The following TRPC3 variants were observed in gnomAD, a reference collection of about 807,000 sequenced individuals.
The protein encoded by TRPC3 is transient receptor potential cation channel subfamily C member 3.
TRPC3 carries 54 observed loss-of-function variants against 90.9 expected under a neutral mutation model. That is an observed-to-expected ratio of 0.59 (90% confidence interval 0.48 to 0.75). TRPC3 has a LOEUF of 0.75. Ranked by LOEUF, TRPC3 falls within the 30% of genes least tolerant of loss-of-function variation. TRPC3 has a pLI of 0.00. For synonymous variants in TRPC3, 424 were observed against 450.9 expected (o/e 0.94, Z 0.75); for missense variants, 918 against 1,194.5 (o/e 0.77, Z 3.41).
chr4:121,912,033 T>G lies in TRPC3; in HGVS notation c.1402A>C (p.Ile468Leu). Residue 468 changes from isoleucine (I) to leucine (L), a missense_variant, in exon 5 of 12, where the codon ATC becomes CTC. Ile to Leu is a conservative substitution (Grantham distance 5). This residue lies in a region of TRPC3 where 609 missense variants were observed against 725.9 expected (regional missense o/e 0.84). Coordinates refer to ENST00000379645, the MANE Select transcript of TRPC3 (RefSeq NM_001130698.2). ...TTGAACACAAGCAGACCCAGGAAGATGATGAAAGAAGCTGCATGTGCTACA... is the reference window on the plus strand; with the variant it reads ...TTGAACACAAGCAGACCCAGGAAGAGGATGAAAGAAGCTGCATGTGCTACA... ...KFVAHAASFIIFLGLLVFNAS... is the reference protein window; with the variant it reads ...KFVAHAASFILFLGLLVFNAS... 6.2e-7 allele frequency: 1 copy of G among 1,613,854 alleles called. No individual in the cohort carries two copies. Among genetic ancestry groups the G allele is most frequent in the African/African-American group, 1.3e-5 (1 of 75,020 alleles).
Position 121,951,800 on chromosome 4 carries a change from G to T in TRPC3, c.-120C>A. 4 of 784,256 alleles carry T rather than the reference G, an allele frequency of 5.1e-6. No homozygotes were observed. Among genetic ancestry groups the T allele is most frequent in the African/African-American group, 3.6e-5 (2 of 55,198 alleles). The allele number at this position is 784,256 out of a possible 1,614,324, so 48.6% of individuals were successfully genotyped here. On this transcript the variant is annotated 5_prime_UTR_variant, in exon 1 of 12. Coordinates refer to ENST00000379645, the MANE Select transcript of TRPC3 (RefSeq NM_001130698.2). The surrounding 1 kb of genome is among the most constrained non-coding windows in gnomAD (Gnocchi z 4.4). ...CCCGCGGCTTCCGGGGCCCCGGGCG[G>T]CCCAGGGCGGGAAGGCAGGAGCGGA...
intron 2 of TRPC3, among the ~76,000 whole-genome samples, chr4:121,931,633 A>C (rs1171912711): frequency 6.6e-6 from 1 of 152,146 alleles, no homozygotes. Flanking sequence ...ACGGCTCACC[A>C]CTCTGAATAT....
At chr4:121,933,072 AG>A (rs1210723873) in intron 1 of TRPC3, 30 bp from the exon 2 acceptor site, 2 of 1,530,468 alleles carry the variant, frequency 1.3e-6, no homozygotes, top group South Asian at 2.6e-5. Context: ...AAACAACTGT[AG>A]AATATTAGGG....
At position 121,951,759 on chromosome 4, in the gene TRPC3, C is replaced by G; in HGVS notation, c.-79G>C. On this transcript the variant is annotated 5_prime_UTR_variant, in exon 1 of 12. Coordinates refer to ENST00000379645, the MANE Select transcript of TRPC3 (RefSeq NM_001130698.2). This position sits in a 1 kb window ranked among gnomAD's most constrained non-coding sequence, Gnocchi z 4.4. ...TCGCGGCAGTGCAGTCTTCCCGCGG[C>G]GCCCCTTCACCACCTCCCGCGGCTT... is the stretch of plus-strand genomic sequence containing the variant. The G allele has an allele frequency of 4.2e-6, 5 of 1,183,328 alleles. No individual in the cohort carries two copies. The highest frequency in any genetic ancestry group is 5.4e-6 in the Non-Finnish European group (5 of 921,066). The allele number at this position is 1,183,328 out of a possible 1,614,324, so 73.3% of individuals were successfully genotyped here.
chr4:121,915,709 C>T (rs1164747255), intron 3 of TRPC3, among the ~76,000 whole-genome samples: 3 of 151,568 alleles, frequency 2.0e-5, no homozygotes, highest in African/African-American at 4.8e-5. Flanking sequence ...TTTTTTTTCC[C>T]GTTTGATTTT....
intron 1 of TRPC3, among the ~76,000 whole-genome samples, chr4:121,944,323 T>C (rs1730417939): frequency 6.7e-6 from 1 of 150,084 alleles, no homozygotes; most frequent in South Asian, 2.1e-4. Context: ...TTTAAAGGAT[T>C]CCTTCCTACC....
rs1727732201 is a variant in TRPC3, at chr4:121,875,243, A to G, written c.*4493T>C. On this transcript the variant is annotated 3_prime_UTR_variant, in exon 12 of 12. Coordinates refer to ENST00000379645, the MANE Select transcript of TRPC3 (RefSeq NM_001130698.2). ...GAAGGAAAGTAAAAGTTTATTTTGA[A>G]GCTCAAATTTATTTTAAAACAGTGA... 6.6e-6 allele frequency among the ~76,000 whole-genome samples: 1 copy of G among 152,198 alleles called. No individual in the cohort carries two copies. The highest frequency in any genetic ancestry group is 6.5e-5 in the Admixed American group (1 of 15,282).
At chr4:121,885,037 G>GTAA (rs1728065016) in intron 10 of TRPC3, among the ~76,000 whole-genome samples, 1 of 152,300 alleles carries the variant, frequency 6.6e-6, no homozygotes, top group South Asian at 2.1e-4. Context: ...TTGAAAGGCA[G>GTAA]TAATACAAAT....
intron 2 of TRPC3, among the ~76,000 whole-genome samples, chr4:121,931,939 T>A (rs1477047694): frequency 6.6e-6 from 1 of 152,166 alleles, no homozygotes; most frequent in Non-Finnish European, 1.5e-5. Flanking sequence ...GAGGAAGGAT[T>A]TGGAAGACAA....
intron 10 of TRPC3, among the ~76,000 whole-genome samples, chr4:121,894,816 G>C (rs1728463362): frequency 6.6e-6 from 1 of 151,754 alleles, no homozygotes; most frequent in Non-Finnish European, 1.5e-5. Context: ...CTTCTGCCTT[G>C]GCCTTCCAAG....
chr4:121,884,024 A>C (rs1445867281), intron 10 of TRPC3, among the ~76,000 whole-genome samples: 6 of 152,054 alleles, frequency 3.9e-5, no homozygotes, highest in Non-Finnish European at 7.3e-5. Context: ...CACTGGAAAC[A>C]ATCTAAACAA....
At chr4:121,921,261 G>A (rs1363260654) in intron 3 of TRPC3, among the ~76,000 whole-genome samples, 1 of 151,980 alleles carries the variant, frequency 6.6e-6, no homozygotes, top group Non-Finnish European at 1.5e-5. Context: ...GGTGGCTCAC[G>A]CCTGTAATCC....
At chr4:121,923,223 T>C (rs1729589050) in intron 3 of TRPC3, among the ~76,000 whole-genome samples, 1 of 152,256 alleles carries the variant, frequency 6.6e-6, no homozygotes, top group East Asian at 1.9e-4. Context: ...ATCCTTTCTA[T>C]GCTGATATGG....
chr4:121,899,566 T>C (rs768533888), intron 10 of TRPC3, 46 bp downstream of exon 10: 2 of 1,499,566 alleles, frequency 1.3e-6, no homozygotes, highest in South Asian at 1.1e-5. Flanking sequence ...CGCAGACATA[T>C]ATGGAATCAC....
intron 6 of TRPC3, among the ~76,000 whole-genome samples, chr4:121,908,280 A>G (rs1160166313): frequency 1.3e-5 from 2 of 152,194 alleles, no homozygotes; most frequent in Non-Finnish European, 2.9e-5. Flanking sequence ...AAAACTTAAC[A>G]TTTGTTGATC....
At chr4:121,922,234 T>A (rs935780075) in intron 3 of TRPC3, among the ~76,000 whole-genome samples, 2 of 152,052 alleles carry the variant, frequency 1.3e-5, no homozygotes, top group Non-Finnish European at 2.9e-5. Context: ...GAAGGAAGCC[T>A]TTGAAAGGAA....
chr4:121,878,214 C>T lies in TRPC3; in HGVS notation c.*1522G>A, dbSNP rs1727822932. Among the ~76,000 whole-genome samples the T allele has an allele frequency of 6.6e-6, 1 of 152,138 alleles. No homozygotes were observed. The highest frequency in any genetic ancestry group is 6.5e-5 in the Admixed American group (1 of 15,280). On this transcript the variant is annotated 3_prime_UTR_variant, in exon 12 of 12. Transcript: ENST00000379645. ...GAAGTGTTCTACAATGGTAGCAAAA[C>T]ATTTATAAAGTTCCTTTCTTAATTT...
chr4:121,922,217 C>T (rs1225691213), intron 3 of TRPC3, among the ~76,000 whole-genome samples: 5 of 151,830 alleles, frequency 3.3e-5, no homozygotes, highest in East Asian at 3.9e-4. Context: ...CCACCGTGCC[C>T]GGCCATGAAG....
chr4:121,885,343 CT>C (rs1306785197), intron 10 of TRPC3, among the ~76,000 whole-genome samples: 2 of 152,178 alleles, frequency 1.3e-5, no homozygotes, highest in Non-Finnish European at 2.9e-5. Flanking sequence ...CTCTCTCCCC[CT>C]ATCGCAATAG....
Sources: gnomAD v4.1 joint callset for allele counts (sites outside exome capture counted in the v4.1 genomes callset) on GRCh38, gnomAD v4.1.1 for gene constraint, gnomAD v4.1.1 regional missense constraint, Gnocchi (gnomAD v3.1) non-coding constraint, MANE v1.5 for transcripts, NCBI Gene and HGNC (gene_info 2026-07-23, HGNC 2026-07-21) for gene names.